Variants in OCA2 observed in about 807,000 individuals in gnomAD.
The protein encoded by OCA2 is P protein.
OCA2 carries 77 observed loss-of-function variants against 100.2 expected under a neutral mutation model. The observed-to-expected ratio is 0.77, with a 90% CI of 0.64 to 0.93. The LOEUF (loss-of-function observed/expected upper bound fraction) is 0.93. OCA2 is among the 40% of genes least tolerant of loss of function. OCA2 has a pLI of 0.00. For missense variants in OCA2, 1,062 were observed against 1,089.1 expected (o/e 0.98, Z 0.35); for synonymous variants, 432 against 439.2 (o/e 0.98, Z 0.21).
At chr15:27,856,788 T>C (rs1311903674) in intron 21 of OCA2, among the ~76,000 whole-genome samples, 2 of 152,074 alleles carry the variant, frequency 1.3e-5, no homozygotes, top group Admixed American at 6.5e-5. Flanking sequence ...TAGTTGACTA[T>C]AGAGATAATA....
At chr15:27,870,098 C>T (rs576799740) in intron 21 of OCA2, among the ~76,000 whole-genome samples, 1 of 152,324 alleles carries the variant, frequency 6.6e-6, no homozygotes, top group African/African-American at 2.4e-5. Flanking sequence ...CTAAGGTCGG[C>T]GCTGCATGAG....
Position 27,764,668 on chromosome 15 carries a change from G to A in OCA2, c.2433-9196C>T, listed in dbSNP as rs546809298. Among the ~76,000 whole-genome samples the A allele has an allele frequency of 1.9e-4, 29 of 152,190 alleles. No individual in the cohort carries two copies. In the South Asian group the frequency reaches 3.9e-3, roughly 21 times the overall value. On this transcript the variant is annotated intron_variant, in intron 23 of 23. Transcript: ENST00000354638. ...GGAGCAGTTGTGACAGAGGCCTTGC[G>A]GTCCACAAAGCCTGAAATATGCATT...
intron 23 of OCA2, among the ~76,000 whole-genome samples, chr15:27,772,881 T>C (rs565110776): frequency 9.2e-5 from 14 of 151,712 alleles, no homozygotes; most frequent in African/African-American, 3.1e-4. Context: ...GAGAGAACTA[T>C]ATGTCTAAGA....
the OCA2 span, among the ~76,000 whole-genome samples, chr15:27,719,362 C>T: frequency 6.6e-6 from 1 of 152,168 alleles, no homozygotes; most frequent in Non-Finnish European, 1.5e-5. Flanking sequence ...AATTAGGACT[C>T]TACACTTAAC....
chr15:27,825,631 G>C (rs28609514), intron 23 of OCA2, among the ~76,000 whole-genome samples: 74,941 of 151,810 alleles, frequency 0.49, 19,216 homozygotes, highest in South Asian at 0.76. Flanking sequence ...GTTCGCACAG[G>C]ACAGACGCCA....
chr15:28,016,258 G>A (rs1240021043), intron 7 of OCA2, 72 bp from the exon 8 acceptor site: 12 of 1,145,314 alleles, frequency 1.0e-5, no homozygotes, highest in Middle Eastern at 3.9e-4. Context: ...GGCACTGCTC[G>A]GTCTAGGTAT....
At chr15:28,013,761 A>C (rs1290577418) in intron 9 of OCA2, among the ~76,000 whole-genome samples, 2 of 152,152 alleles carry the variant, frequency 1.3e-5, no homozygotes, top group South Asian at 2.1e-4. Flanking sequence ...CCCAGAGGAC[A>C]GCTGCCCCTG....
At chr15:27,902,474 A>T (rs1379256519) in intron 19 of OCA2, among the ~76,000 whole-genome samples, 1 of 152,186 alleles carries the variant, frequency 6.6e-6, no homozygotes, top group Non-Finnish European at 1.5e-5. Context: ...TAAATTGGTA[A>T]ATTTGAAGAA....
chr15:27,789,079 C>T (rs1475691701), intron 23 of OCA2, among the ~76,000 whole-genome samples: 1 of 151,780 alleles, frequency 6.6e-6, no homozygotes, highest in Non-Finnish European at 1.5e-5. Flanking sequence ...ATTCATGTTA[C>T]TTTATGTGAT....
At chr15:27,906,430 A>G (rs2594910) in intron 19 of OCA2, among the ~76,000 whole-genome samples, 96,468 of 151,956 alleles carry the variant, frequency 0.63, 31,229 homozygotes, top group East Asian at 0.96. Context: ...CAAAGCAAGT[A>G]AGAGAATAAA....
At chr15:27,845,891 G>A (rs1199752918) in intron 22 of OCA2, among the ~76,000 whole-genome samples, 1 of 152,190 alleles carries the variant, frequency 6.6e-6, no homozygotes, top group African/African-American at 2.4e-5. Context: ...CAGCATGTCA[G>A]TGTGAGGGAG....
At chr15:27,816,530 C>G (rs4778183) in intron 23 of OCA2, among the ~76,000 whole-genome samples, 1 of 151,878 alleles carries the variant, frequency 6.6e-6, no homozygotes, top group African/African-American at 2.4e-5. Flanking sequence ...CCCAGCTCCC[C>G]GACAGTGAAG....
intron 9 of OCA2, among the ~76,000 whole-genome samples, chr15:28,003,096 C>G (rs1023813500): frequency 3.9e-5 from 6 of 152,242 alleles, no homozygotes; most frequent in Non-Finnish European, 8.8e-5. Context: ...CAGCCACGCA[C>G]GGACTGTGCT....
At chr15:27,919,210 C>A (rs1359051530) in intron 19 of OCA2, among the ~76,000 whole-genome samples, 4 of 152,134 alleles carry the variant, frequency 2.6e-5, no homozygotes, top group Non-Finnish European at 5.9e-5. Context: ...ATGCTGAGGA[C>A]TTCAGCAACT....
rs192190156 is a variant in OCA2 at position 27,938,864 on chromosome 15, G to A, written c.1952-12610C>T. Reference sequence around the variant, plus strand: ...GTATGGTCTCTGTGGCCTTGGGAGTGGCGGACTGGACTGAGCTCTGCCCCG... The same window carrying A: ...GTATGGTCTCTGTGGCCTTGGGAGTAGCGGACTGGACTGAGCTCTGCCCCG... On this transcript the variant is annotated intron_variant, in intron 18 of 23. Transcript: ENST00000354638. Among the ~76,000 whole-genome samples, 387 of 152,296 alleles carry A rather than the reference G, an allele frequency of 2.5e-3. 3 individuals carry two copies. Among genetic ancestry groups the A allele is most frequent in the African/African-American group, 8.8e-3 (367 of 41,566 alleles).
At chr15:27,803,351 A>T (rs558152526) in intron 23 of OCA2, among the ~76,000 whole-genome samples, 1 of 152,244 alleles carries the variant, frequency 6.6e-6, no homozygotes, top group Admixed American at 6.5e-5. Flanking sequence ...ACAGATAAAT[A>T]GATAAATTGT....
intron 9 of OCA2, among the ~76,000 whole-genome samples, chr15:28,005,719 G>T (rs1482867449): frequency 6.6e-6 from 1 of 152,152 alleles, no homozygotes; most frequent in Non-Finnish European, 1.5e-5. Flanking sequence ...ACATCACAAG[G>T]TCATTGGCAT....
intron 23 of OCA2, among the ~76,000 whole-genome samples, chr15:27,797,460 G>A (rs2033392164): frequency 1.3e-5 from 2 of 152,150 alleles, no homozygotes; most frequent in Non-Finnish European, 2.9e-5. Context: ...AACGGTTTAT[G>A]GGAAGAACAG....
At chr15:27,781,012 ACTTCACT>A (rs1292695976) in intron 23 of OCA2, among the ~76,000 whole-genome samples, 2 of 152,188 alleles carry the variant, frequency 1.3e-5, no homozygotes, top group African/African-American at 4.8e-5. Flanking sequence ...CTTCTCATAA[ACTTCACT>A]CAAGAAATAC....
Sources: allele counts gnomAD v4.1 joint callset (sites outside exome capture counted in the v4.1 genomes callset), GRCh38; gene constraint gnomAD v4.1.1; transcripts MANE v1.5; gene names NCBI Gene and HGNC (gene_info 2026-07-23, HGNC 2026-07-21).